SHPK: variants seen among roughly 807,000 people sequenced by gnomAD.
The protein encoded by SHPK is sedoheptulokinase.
A neutral mutation model predicts 46.3 loss-of-function variants in SHPK; 51 were observed. The observed-to-expected ratio is 1.10, with a 90% confidence interval of 0.88 to 1.39. The LOEUF is 1.39. Ranked by LOEUF, SHPK falls within the 40% of genes most tolerant of loss-of-function variation. SHPK has a pLI of 0.00. For missense variants in SHPK, 668 were observed against 641.3 expected, an observed-to-expected ratio of 1.04 and a Z score of -0.45; for synonymous variants, 290 against 273.9, an observed-to-expected ratio of 1.06 and a Z score of -0.58.
intron 6 of SHPK, among the ~76,000 whole-genome samples, chr17:3,612,218 G>C (rs1482920334): frequency 1.3e-5 from 2 of 151,860 alleles, no homozygotes; most frequent in Non-Finnish European, 2.9e-5. Context: ...TTGAAGTCAG[G>C]AGTTCCAGAC....
chr17:3,625,780 C>T (rs796974048), intron 2 of SHPK, among the ~76,000 whole-genome samples: 13 of 152,198 alleles, frequency 8.5e-5, no homozygotes, highest in Admixed American at 1.3e-4. Flanking sequence ...TGGTCAGGCA[C>T]GGTGGCTCAC....
At chr17:3,614,626 T>G (rs953783298) in intron 6 of SHPK, among the ~76,000 whole-genome samples, 2 of 151,954 alleles carry the variant, frequency 1.3e-5, no homozygotes, top group African/African-American at 4.8e-5. Flanking sequence ...GGCGGGTGGA[T>G]CACCTGAGGT....
At chr17:3,634,549 G>A (rs1215562802) in intron 1 of SHPK, among the ~76,000 whole-genome samples, 1 of 145,216 alleles carries the variant, frequency 6.9e-6, no homozygotes, top group Non-Finnish European at 1.5e-5. Context: ...TCCAGCCTGG[G>A]TGACAGAGCG....
At chr17:3,611,076 TCTC>T in intron 6 of SHPK, 104 bp from the exon 7 acceptor site, 6 of 1,074,792 alleles carry the variant, frequency 5.6e-6, no homozygotes, top group Middle Eastern at 6.4e-4. Flanking sequence ...ACTTGCTGCT[TCTC>T]CTCCCGCTGC....
At chr17:3,625,860 C>T (rs1430621025) in intron 2 of SHPK, among the ~76,000 whole-genome samples, 1 of 152,168 alleles carries the variant, frequency 6.6e-6, no homozygotes, top group Non-Finnish European at 1.5e-5. Flanking sequence ...CGAGACCAGC[C>T]TGGACAACAT....
intron 1 of SHPK, 82 bp downstream of exon 1, chr17:3,635,970 G>A: frequency 1.5e-6 from 2 of 1,329,036 alleles, no homozygotes; most frequent in East Asian, 2.6e-5. Flanking sequence ...TTGCGGGAAG[G>A]GCTGTCAGGG....
chr17:3,632,331 C>T (rs1275223493), intron 1 of SHPK, among the ~76,000 whole-genome samples: 2 of 152,186 alleles, frequency 1.3e-5, no homozygotes, highest in East Asian at 1.9e-4. Flanking sequence ...CGCCTATAAT[C>T]GCAGCCACTG....
At chr17:3,618,158 G>C (rs1463187007) in intron 5 of SHPK, among the ~76,000 whole-genome samples, 1 of 152,132 alleles carries the variant, frequency 6.6e-6, no homozygotes, top group African/African-American at 2.4e-5. Context: ...CCAGGCTGGA[G>C]TGCACTGGCG....
chr17:3,614,065 G>A (rs1326056199), intron 6 of SHPK, among the ~76,000 whole-genome samples: 1 of 152,174 alleles, frequency 6.6e-6, no homozygotes, highest in Non-Finnish European at 1.5e-5. Context: ...AAGCTGCTAT[G>A]AGCTGTTGAG....
At chr17:3,620,224 C>G (rs974832173) in intron 5 of SHPK, among the ~76,000 whole-genome samples, 2 of 152,124 alleles carry the variant, frequency 1.3e-5, no homozygotes, top group Non-Finnish European at 2.9e-5. Context: ...TCTACCTCAC[C>G]ATGATTCCCT....
chr17:3,635,737 ACAAGAGATCAGTTCCTC>A (rs2075517125), intron 1 of SHPK, among the ~76,000 whole-genome samples: 1 of 152,072 alleles, frequency 6.6e-6, no homozygotes, highest in African/African-American at 2.4e-5. Context: ...TTCCATACAC[ACAAGAGATCAGTTCCTC>A]CAAGGTCAGG....
intron 4 of SHPK, chr17:3,622,465 A>G: frequency 2.2e-6 from 1 of 446,042 alleles, no homozygotes; most frequent in Non-Finnish European, 3.0e-6. Context: ...CAGGCTCCTG[A>G]ATATCAAACG....
intron 6 of SHPK, among the ~76,000 whole-genome samples, chr17:3,612,621 C>A (rs6502735): frequency 0.86 from 130,426 of 152,038 alleles, 56,200 homozygotes; most frequent in East Asian, 1. Context: ...TTGCAGGCTG[C>A]GGGCTGGAAT....
At chr17:3,623,103 G>T (rs2075412422) in intron 4 of SHPK, among the ~76,000 whole-genome samples, 1 of 152,206 alleles carries the variant, frequency 6.6e-6, no homozygotes, top group Non-Finnish European at 1.5e-5. Flanking sequence ...GGTCTGGGCG[G>T]CTGTGGAGGA....
chr17:3,630,135 C>A (rs2075461336), intron 2 of SHPK, 70 bp downstream of exon 2: 1 of 1,591,858 alleles, frequency 6.3e-7, no homozygotes, highest in South Asian at 1.1e-5. Context: ...CACAGAAAGC[C>A]CCGCACAGCA....
chr17:3,627,768 A>G (rs1222507252), intron 2 of SHPK, among the ~76,000 whole-genome samples: 2 of 150,800 alleles, frequency 1.3e-5, no homozygotes, highest in East Asian at 3.9e-4. Flanking sequence ...TGACCGGATC[A>G]CAATCATCAG....
intron 1 of SHPK, among the ~76,000 whole-genome samples, chr17:3,635,236 A>AGGAAGGAAGGAAGGGAAGGAAGGAAG (rs1555555998): frequency 4.2e-4 from 55 of 132,452 alleles, no homozygotes; most frequent in African/African-American, 1.3e-3. Flanking sequence ...GAAGGAAGGA[A>AGGAAGGAAGGAAGGGAAGGAAGGAAG]GGAAGGAAGG....
rs777494555 is a variant in SHPK at position 3,615,461 on chromosome 17, A to C, written c.900T>G (p.Pro300=). The change falls in exon 6 of 7, where the codon CCT becomes CCG. Residue 300 remains proline (P), a synonymous_variant. Transcript: ENST00000225519. ...SGFQPAQTPD[P]TAPVAYFPYF... ...ATGGGAAGTAGGCGACTGGGGCCGT[A>C]GGGTCTGGAGTCTGTGCAGGCTGGA... 1.9e-6 allele frequency: 3 copies of C among 1,613,998 alleles called. No individual in the cohort carries two copies. Among genetic ancestry groups the C allele is most frequent in the Non-Finnish European group, 2.5e-6 (3 of 1,180,014 alleles).
rs140703103 is a variant in SHPK at position 3,619,606 on chromosome 17, G to A, written c.823+1631C>T. The A allele has an allele frequency of 7.0e-3, 2,861 of 406,612 alleles. 36 individuals are homozygous for A. Among genetic ancestry groups the A allele is most frequent in the South Asian group, 0.022 (1,060 of 47,234 alleles). 25.2% of individuals were successfully genotyped at this position (406,612 alleles called of 1,614,324 possible). The stretch of plus-strand genomic sequence containing the variant: ...ACATTAACCAGCCATGGTGGTGTGC[G>A]CCTGTAGTCCCATCTACTCGGGAGG... On this transcript the variant is annotated intron_variant, in intron 5 of 6. Coordinates refer to ENST00000225519, the MANE Select transcript of SHPK (RefSeq NM_013276.4).
Sources: allele counts gnomAD v4.1 joint callset (sites outside exome capture counted in the v4.1 genomes callset), GRCh38; gene constraint gnomAD v4.1.1; transcripts MANE v1.5; gene names NCBI Gene and HGNC (gene_info 2026-07-23, HGNC 2026-07-21).